PTPRM: variants seen among roughly 807,000 people sequenced by gnomAD.
The protein encoded by PTPRM is receptor-type tyrosine-protein phosphatase mu.
Under a neutral mutation model 186.7 loss-of-function variants are expected in PTPRM, and 47 were observed. That is an observed-to-expected ratio of 0.25 (90% CI 0.20 to 0.32). PTPRM has a LOEUF of 0.32. PTPRM is among the 10% of genes least tolerant of loss of function. The pLI is 1.00. For synonymous variants in PTPRM, 668 were observed against 674.9 expected (o/e 0.99, Z 0.16); for missense variants, 1,494 against 1,865.0 (o/e 0.80, Z 3.66).
chr18:7,834,303 TA>T (rs1189003715), intron 2 of PTPRM, among the ~76,000 whole-genome samples: 8 of 151,524 alleles, frequency 5.3e-5, no homozygotes, highest in African/African-American at 1.7e-4. Flanking sequence ...ATGATCTTTT[TA>T]ATGTATTGTT....
At chr18:8,234,804 G>C (rs2094325671) in intron 14 of PTPRM, among the ~76,000 whole-genome samples, 1 of 151,982 alleles carries the variant, frequency 6.6e-6, no homozygotes, top group East Asian at 1.9e-4. Flanking sequence ...ACTGGGTATT[G>C]GATTTTGTCA....
intron 14 of PTPRM, among the ~76,000 whole-genome samples, chr18:8,146,310 C>T (rs370417522): frequency 2.7e-4 from 41 of 152,100 alleles, no homozygotes; most frequent in African/African-American, 8.4e-4. Context: ...CGTGAGCCAC[C>T]GTGCCCAGCC....
chr18:8,064,300 A>C (rs2088876019), intron 7 of PTPRM, among the ~76,000 whole-genome samples: 1 of 152,204 alleles, frequency 6.6e-6, no homozygotes, highest in African/African-American at 2.4e-5. Flanking sequence ...TGTCCATCTT[A>C]AACCAAGAAA....
chr18:7,617,646 G>C (rs1214168705), intron 1 of PTPRM, among the ~76,000 whole-genome samples: 2 of 152,092 alleles, frequency 1.3e-5, no homozygotes, highest in Non-Finnish European at 2.9e-5. Flanking sequence ...TAATTTTAAA[G>C]AGGGTTTGCA....
chr18:7,981,584 A>T (rs1418955220), intron 7 of PTPRM, among the ~76,000 whole-genome samples: 1 of 152,198 alleles, frequency 6.6e-6, no homozygotes, highest in Non-Finnish European at 1.5e-5. Context: ...CGGAGGAATG[A>T]CTGTGATGTG....
chr18:8,348,148 T>C (rs971909770), intron 23 of PTPRM, among the ~76,000 whole-genome samples: 4 of 152,270 alleles, frequency 2.6e-5, no homozygotes, highest in Non-Finnish European at 5.9e-5. Context: ...CTACTTAACA[T>C]GTGTACCGCA....
chr18:7,697,775 G>A (rs2039876041), intron 1 of PTPRM, among the ~76,000 whole-genome samples: 1 of 152,168 alleles, frequency 6.6e-6, no homozygotes, highest in South Asian at 2.1e-4. Context: ...CACAGATAGA[G>A]GATGTCATGC....
chr18:8,163,284 G>A (rs2093265117), intron 14 of PTPRM, among the ~76,000 whole-genome samples: 1 of 152,080 alleles, frequency 6.6e-6, no homozygotes, highest in Non-Finnish European at 1.5e-5. Flanking sequence ...AACTTCTAAA[G>A]TTGTGATTTT....
At chr18:8,385,939 G>A (rs1028748849) in intron 30 of PTPRM, among the ~76,000 whole-genome samples, 2 of 152,062 alleles carry the variant, frequency 1.3e-5, no homozygotes, top group African/African-American at 4.8e-5. Flanking sequence ...ATGAGAAGGG[G>A]GAGGTTCTGA....
intron 7 of PTPRM, among the ~76,000 whole-genome samples, chr18:7,984,201 T>G (rs2082708086): frequency 6.6e-6 from 1 of 152,032 alleles, no homozygotes; most frequent in Non-Finnish European, 1.5e-5. Flanking sequence ...TCAAGAAAAA[T>G]GCAACCACCT....
intron 19 of PTPRM, among the ~76,000 whole-genome samples, chr18:8,266,363 CAAA>C (rs10678321): frequency 7.6e-6 from 1 of 130,844 alleles, no homozygotes; most frequent in Non-Finnish European, 1.6e-5. Flanking sequence ...TGCTACCACT[CAAA>C]AAAAAAAAAA....
In PTPRM at chr18:8,036,140, C is replaced by T. The variant is rs189909244; in HGVS notation, c.1133-33546C>T. On this transcript the variant is annotated intron_variant, in intron 7 of 32. Coordinates refer to ENST00000580170, the MANE Select transcript of PTPRM (RefSeq NM_001105244.2). The stretch of plus-strand genomic sequence containing the variant: ...TGTGAGAAAGGAAGACTTGGAGGAT[C>T]ATGATAGCTCCTCACATGGCGTCGG... Among the ~76,000 whole-genome samples the T allele has an allele frequency of 2.0e-5, 3 of 152,292 alleles. No homozygotes were observed. The East Asian group carries it at 5.8e-4, about 29-fold the overall frequency.
chr18:8,324,284 C>T (rs989733393), intron 22 of PTPRM, among the ~76,000 whole-genome samples: 6 of 152,086 alleles, frequency 3.9e-5, no homozygotes, highest in South Asian at 2.1e-4. Context: ...TTGTTATAAT[C>T]GTTAGTATTT....
chr18:8,053,370 G>T (rs960982667), intron 7 of PTPRM, among the ~76,000 whole-genome samples: 3 of 151,866 alleles, frequency 2.0e-5, no homozygotes, highest in Non-Finnish European at 4.4e-5. Context: ...ATTAAATTTG[G>T]GTTTTTGTGC....
chr18:7,977,719 C>A (rs1208385004), intron 7 of PTPRM, among the ~76,000 whole-genome samples: 1 of 152,038 alleles, frequency 6.6e-6, no homozygotes, highest in African/African-American at 2.4e-5. Flanking sequence ...TCCCTTGAGA[C>A]TTTGGGGGCA....
intron 7 of PTPRM, among the ~76,000 whole-genome samples, chr18:8,031,439 G>A (rs550833945): frequency 7.2e-5 from 11 of 152,278 alleles, no homozygotes; most frequent in African/African-American, 2.6e-4. Context: ...AACAAACACG[G>A]CAATAATTCC....
At chr18:7,898,630 T>C (rs935934984) in intron 3 of PTPRM, among the ~76,000 whole-genome samples, 2 of 152,174 alleles carry the variant, frequency 1.3e-5, no homozygotes, top group Non-Finnish European at 2.9e-5. Flanking sequence ...AAATGGCTTT[T>C]CCCACAGTCT....
At chr18:7,869,033 C>A (rs2047853135) in intron 2 of PTPRM, among the ~76,000 whole-genome samples, 1 of 152,188 alleles carries the variant, frequency 6.6e-6, no homozygotes, top group Non-Finnish European at 1.5e-5. Flanking sequence ...CCAGTAATGG[C>A]AGACACCCCT....
chr18:7,684,412 A>G (rs116671175), intron 1 of PTPRM, among the ~76,000 whole-genome samples: 1,531 of 152,298 alleles, frequency 0.01, 31 homozygotes, highest in African/African-American at 0.035. Flanking sequence ...ACCATATGTT[A>G]TTGTTGATTA....
Sources: gnomAD v4.1 joint callset for allele counts (sites outside exome capture counted in the v4.1 genomes callset) on GRCh38, gnomAD v4.1.1 for gene constraint, MANE v1.5 for transcripts, NCBI Gene and HGNC (gene_info 2026-07-23, HGNC 2026-07-21) for gene names.